PARP11: variants seen among roughly 807,000 people sequenced by gnomAD.
PARP11 encodes poly(ADP-ribose) polymerase family member 11.
In PARP11, 31 loss-of-function variants were observed where a neutral mutation model predicts 42.9. The ratio of observed to expected loss-of-function variants is 0.72; its 90% CI spans 0.54 to 0.98. The LOEUF (loss-of-function observed/expected upper bound fraction) is 0.98. Ranked by LOEUF, PARP11 falls within the 50% of genes least tolerant of loss-of-function variation. PARP11 has a pLI of 0.00. For synonymous variants in PARP11, 137 were observed against 127.3 expected, an observed-to-expected ratio of 1.08 and a Z score of -0.51; for missense variants, 365 against 413.1, an observed-to-expected ratio of 0.88 and a Z score of 1.01.
intron 1 of PARP11, among the ~76,000 whole-genome samples, chr12:3,835,017 G>C (rs1169991377): frequency 6.6e-6 from 1 of 152,138 alleles, no homozygotes; most frequent in Non-Finnish European, 1.5e-5. Flanking sequence ...AGGGTTAAAT[G>C]AAACAGCACT....
rs1947856814 is a variant in PARP11, at chr12:3,840,169, T to C, written c.19-10151A>G. On this transcript the variant is annotated intron_variant, in intron 1 of 7. Coordinates refer to ENST00000228820, the MANE Select transcript of PARP11 (RefSeq NM_020367.6). This position sits in a 1 kb window ranked among gnomAD's most constrained non-coding sequence, Gnocchi z 4.4. ...CTTACAATATGAAGTTGGAGACAAATGTCAAGTTAGGTTGGATCACAATGG... is the reference window on the plus strand; with the variant it reads ...CTTACAATATGAAGTTGGAGACAAACGTCAAGTTAGGTTGGATCACAATGG... The C allele has an allele frequency of 6.2e-7, 1 of 1,611,388 alleles. No homozygotes were observed. Among genetic ancestry groups the C allele is most frequent in the East Asian group, 2.2e-5 (1 of 44,878 alleles).
chr12:3,844,713 A>G (rs1480524120), intron 1 of PARP11, among the ~76,000 whole-genome samples: 3 of 152,202 alleles, frequency 2.0e-5, no homozygotes, highest in African/African-American at 7.2e-5. Flanking sequence ...CACCTCTAGG[A>G]TATGATGGAA....
At position 3,811,904 on chromosome 12, in the gene PARP11, A is replaced by G. The variant is rs1001674445; in HGVS notation, c.*219T>C. The G allele has an allele frequency of 1.9e-5, 10 of 521,254 alleles. No individual in the cohort carries two copies. The African/African-American group carries it at 1.9e-4, about 10-fold the overall frequency. The allele number at this position is 521,254 out of a possible 1,614,324, so 32.3% of individuals were successfully genotyped here. On this transcript the variant is annotated 3_prime_UTR_variant, in exon 8 of 8. Coordinates refer to ENST00000228820, the MANE Select transcript of PARP11 (RefSeq NM_020367.6). ...ACCCCTATGTGTTAAAACATCAATG[A>G]TATCAACTTTTAACAAACAAGACTA...
Position 3,810,711 on chromosome 12 carries a change from AAGAG to A in PARP11, c.*1408_*1411del. 8.6e-6 allele frequency: 1 copy of A among 116,774 alleles called. No homozygotes were observed. The highest frequency in any genetic ancestry group is 1.6e-5 in the Non-Finnish European group (1 of 61,764). The allele number at this position is 116,774 out of a possible 1,614,324, so 7.2% of individuals were successfully genotyped here. ...AGAAAGAAGGAAGGAAGAGAGAGAG[AAGAG>A]AAGAGAAAGAGAAAGAGAAAGAGGA... On this transcript the variant is annotated 3_prime_UTR_variant, in exon 8 of 8. Transcript: ENST00000228820.
chr12:3,867,025 T>G (rs941537032), intron 1 of PARP11, among the ~76,000 whole-genome samples: 1 of 152,224 alleles, frequency 6.6e-6, no homozygotes, highest in African/African-American at 2.4e-5. Context: ...CTCAACAACT[T>G]TTTGTTCTAC....
At chr12:3,822,228 T>C in intron 4 of PARP11, 71 bp from the exon 5 acceptor site, 1 of 1,127,252 alleles carries the variant, frequency 8.9e-7, no homozygotes, top group Non-Finnish European at 1.3e-6. Context: ...TTAGCCCTTC[T>C]TCAAAGCTTA....
intron 1 of PARP11, among the ~76,000 whole-genome samples, chr12:3,867,356 C>A (rs972446330): frequency 2.6e-5 from 4 of 152,106 alleles, no homozygotes; most frequent in Non-Finnish European, 5.9e-5. Context: ...ATTCTTCCCA[C>A]GCAAGTTTGC....
intron 6 of PARP11, among the ~76,000 whole-genome samples, chr12:3,816,395 C>A (rs556722420): frequency 1.3e-4 from 20 of 152,308 alleles, no homozygotes; most frequent in East Asian, 1.2e-3. Flanking sequence ...AGAGAGCATG[C>A]ATGCCTTTCG....
intron 6 of PARP11, among the ~76,000 whole-genome samples, chr12:3,817,941 C>T (rs1001859985): frequency 2.6e-5 from 4 of 152,170 alleles, no homozygotes; most frequent in Non-Finnish European, 4.4e-5. Flanking sequence ...ACTGGCGATT[C>T]TGACCTGCAA....
intron 6 of PARP11, among the ~76,000 whole-genome samples, chr12:3,819,926 C>G (rs1405744100): frequency 6.6e-6 from 1 of 152,200 alleles, no homozygotes; most frequent in African/African-American, 2.4e-5. Context: ...TCTGCGCTCC[C>G]TCTTATATCC....
chr12:3,842,640 T>C (rs1947915342), intron 1 of PARP11: 3 of 672,292 alleles, frequency 4.5e-6, no homozygotes, highest in Non-Finnish European at 7.8e-6. Flanking sequence ...CCTCCTTACC[T>C]TCCCTCCCAT....
chr12:3,848,625 A>G (rs1175852427), intron 1 of PARP11, among the ~76,000 whole-genome samples: 1 of 152,136 alleles, frequency 6.6e-6, no homozygotes, highest in African/African-American at 2.4e-5. Flanking sequence ...ATAAAACTAT[A>G]CCACTATCTC....
intron 7 of PARP11, 79 bp downstream of exon 7, chr12:3,813,958 C>T (rs1591755922): frequency 9.1e-7 from 1 of 1,095,088 alleles, no homozygotes; most frequent in East Asian, 2.5e-5. Context: ...TAAAGCAGTT[C>T]ATATTTATAT....
chr12:3,860,286 G>GGA (rs1303124340), intron 1 of PARP11, among the ~76,000 whole-genome samples: 1 of 152,058 alleles, frequency 6.6e-6, no homozygotes, highest in Non-Finnish European at 1.5e-5. Flanking sequence ...TTTCAGGATG[G>GGA]GACCATAGAG....
chr12:3,844,296 A>G (rs1947955362), intron 1 of PARP11, among the ~76,000 whole-genome samples: 1 of 152,350 alleles, frequency 6.6e-6, no homozygotes, highest in Admixed American at 6.5e-5. Context: ...GAGAGAATCT[A>G]TTGAAAGGAA....
At chr12:3,833,732 C>T (rs1325606112) in intron 1 of PARP11, among the ~76,000 whole-genome samples, 3 of 152,206 alleles carry the variant, frequency 2.0e-5, no homozygotes, top group South Asian at 2.1e-4. Context: ...TGTACTCAAT[C>T]TCAGAACAAG....
At chr12:3,827,759 T>C (rs1165272835) in intron 3 of PARP11, among the ~76,000 whole-genome samples, 2 of 152,182 alleles carry the variant, frequency 1.3e-5, no homozygotes, top group Non-Finnish European at 2.9e-5. Flanking sequence ...CTTCACTGTT[T>C]CTGGGCCTTG....
chr12:3,833,615 T>C (rs1947693392), intron 1 of PARP11, among the ~76,000 whole-genome samples: 1 of 152,052 alleles, frequency 6.6e-6, no homozygotes, highest in African/African-American at 2.4e-5. Context: ...AATTAATTAA[T>C]TAAAAATTAA....
At chr12:3,832,386 G>C (rs1947661174) in intron 1 of PARP11, among the ~76,000 whole-genome samples, 1 of 152,148 alleles carries the variant, frequency 6.6e-6, no homozygotes, top group South Asian at 2.1e-4. Context: ...TTCACAGCTA[G>C]CAGTACAGAG....
Sources: gnomAD v4.1 joint callset for allele counts (sites outside exome capture counted in the v4.1 genomes callset) on GRCh38, gnomAD v4.1.1 for gene constraint, Gnocchi (gnomAD v3.1) non-coding constraint, MANE v1.5 for transcripts, NCBI Gene and HGNC (gene_info 2026-07-23, HGNC 2026-07-21) for gene names.